The following CTC1 variants were observed in gnomAD, a reference collection of about 807,000 sequenced individuals.
The protein encoded by CTC1 is CST complex subunit CTC1.
In CTC1, 91 loss-of-function variants were observed where a neutral mutation model predicts 136.3. The observed-to-expected ratio is 0.67, with a 90% CI of 0.56 to 0.79. CTC1 has a LOEUF of 0.79. Ranked by LOEUF, CTC1 falls within the 30% of genes least tolerant of loss-of-function variation. CTC1 has a pLI of 0.00. For synonymous variants in CTC1, 606 were observed against 613.8 expected (o/e 0.99, Z 0.19); for missense variants, 1,432 against 1,498.1 (o/e 0.96, Z 0.73).
intron 5 of CTC1, among the ~76,000 whole-genome samples, chr17:8,236,948 C>G (rs1011374694): frequency 1.3e-5 from 2 of 151,742 alleles, no homozygotes; most frequent in Non-Finnish European, 2.9e-5. Flanking sequence ...AGTTAATAAA[C>G]TTGCACATGT....
rs1243670945 is a variant in CTC1 at position 8,232,914 on chromosome 17, C to T, written c.1937G>A (p.Arg646Gln). 2.5e-6 allele frequency: 4 copies of T among 1,613,920 alleles called. No homozygotes were observed. Among genetic ancestry groups the T allele is most frequent in the Admixed American group, 1.7e-5 (1 of 59,996 alleles). ...AKHSQPLSDP[R>Q]LIGCLVRAER... ...ACATCTGAACTCCAAACCTATCAGC[C>T]GTGGGTCACTGAGGGGTTGAGAGTG... Residue 646 changes from arginine (R) to glutamine (Q), a missense_variant, in exon 11 of 23, where the codon CGG (arginine) becomes CAG (glutamine). Transcript: ENST00000651323.
chr17:8,241,981 TTAAAA>T (rs751796678), intron 2 of CTC1, among the ~76,000 whole-genome samples: 4 of 152,074 alleles, frequency 2.6e-5, no homozygotes, highest in Admixed American at 6.6e-5. Context: ...AGTAAAACTA[TTAAAA>T]TATTTATTGG....
Position 8,227,506 on chromosome 17 carries a change from C to T in CTC1, c.*674G>A, listed in dbSNP as rs1986828116. The T allele has an allele frequency of 6.6e-6, 1 of 152,664 alleles. No individual in the cohort carries two copies. The highest frequency in any genetic ancestry group is 2.4e-5 in the African/African-American group (1 of 41,352). The allele number at this position is 152,664 out of a possible 1,614,324, so 9.5% of individuals were successfully genotyped here. ...CTGCTTGTGCCTGGCACTTGCCTCC[C>T]CCTACACCTTCTTTGTGCTTGTGAA... On this transcript the variant is annotated 3_prime_UTR_variant, in exon 23 of 23. Coordinates refer to ENST00000651323, the MANE Select transcript of CTC1 (RefSeq NM_025099.6).
At chr17:8,233,516 TCC>T (rs1379113438) in intron 10 of CTC1, 2 of 153,992 alleles carry the variant, frequency 1.3e-5, no homozygotes. Context: ...ATGCCTATAA[TCC>T]CAGCACTTTG....
intron 2 of CTC1, among the ~76,000 whole-genome samples, chr17:8,241,108 G>A (rs979022894): frequency 7.2e-5 from 11 of 152,036 alleles, no homozygotes; most frequent in South Asian, 4.2e-4. Context: ...GGCCAACATG[G>A]TAAAACCCCA....
rs1044653043 is a variant in CTC1 at position 8,225,469 on chromosome 17, C to T, written c.*2711G>A. ...ATCTTCCAAGGAGGTTTAGGTCCTG[C>T]CAAGAGCTCACAGATCCTATTTCTT... is the stretch of plus-strand genomic sequence containing the variant. On this transcript the variant is annotated 3_prime_UTR_variant, in exon 23 of 23. Transcript: ENST00000651323. 6.6e-6 allele frequency: 1 copy of T among 152,244 alleles called. No individual in the cohort carries two copies. Among genetic ancestry groups the T allele is most frequent in the African/African-American group, 2.4e-5 (1 of 41,440 alleles). 9.4% of individuals were successfully genotyped at this position (152,244 alleles called of 1,614,324 possible). A position where few individuals can be genotyped will look rare whatever the true frequency, so the allele number is the denominator to read the frequency against.
rs1396498413 is a variant in CTC1 at position 8,236,055 on chromosome 17, C to A, written c.1077+3G>T. On this transcript the variant is annotated splice_donor_region_variant and intron_variant, in intron 6 of 22. Coordinates refer to ENST00000651323, the MANE Select transcript of CTC1 (RefSeq NM_025099.6). ...AAGCTCTAGGATCTCTCCCTGTGCT[C>A]ACCGAATAGGATAGGAGTCTAGAAT... 6.2e-7 allele frequency: 1 copy of A among 1,609,492 alleles called. No individual in the cohort carries two copies. The highest frequency in any genetic ancestry group is 1.1e-5 in the South Asian group (1 of 90,950).
Position 8,229,924 on chromosome 17 carries a change from T to C in CTC1, c.2978A>G (p.Gln993Arg), listed in dbSNP as rs769010664. Reference sequence around the variant, plus strand: ...GGTCTCAGGGGGAAAACTCAGGACCTGCACATAAGTGGATGACCGGAAACA... The same window carrying C: ...GGTCTCAGGGGGAAAACTCAGGACCCGCACATAAGTGGATGACCGGAAACA... ...YCCFRSSTYV[Q>R]VLSFPPETTI... is the part of the protein sequence containing the mutation. Residue 993 changes from glutamine to arginine, a missense_variant, in exon 18 of 23, where the codon CAG (glutamine) becomes CGG (arginine). Physicochemically the swap from Gln to Arg is conservative, Grantham distance 43 (BLOSUM62 1). Transcript: ENST00000651323. 2.5e-6 allele frequency: 4 copies of C among 1,614,090 alleles called. No individual in the cohort carries two copies. Among genetic ancestry groups the C allele is most frequent in the South Asian group, 2.2e-5 (2 of 91,078 alleles).
intron 18 of CTC1, 54 bp from the exon 19 acceptor site, chr17:8,229,500 G>C: frequency 6.5e-7 from 1 of 1,538,566 alleles, no homozygotes. Context: ...AACAGGCAAA[G>C]GGGTTCTGAA....
At chr17:8,238,300 C>T (rs1346154658) in intron 3 of CTC1, 58 bp from the exon 4 acceptor site, 2 of 1,562,860 alleles carry the variant, frequency 1.3e-6, no homozygotes, top group East Asian at 4.5e-5. Flanking sequence ...CCACCCACCT[C>T]CCCGTTTGTT....
rs201553464 is a variant in CTC1, at chr17:8,236,273, C to T, written c.862G>A (p.Val288Met). 176 of 1,613,910 alleles carry T rather than the reference C, an allele frequency of 1.1e-4. No individual in the cohort carries two copies. The highest frequency in any genetic ancestry group is 2.3e-4 in the Admixed American group (14 of 60,028). ...TGGCGCTGACCACGGATCTTGGACA[C>T]TCGCAGTTCTGTCAGCACATAGGCT... is the stretch of plus-strand genomic sequence containing the variant. ...GTAYVLTELR[V>M]SKIRGQRQHV... The change falls in exon 6 of 23, where the codon GTG becomes ATG. Residue 288 changes from valine to methionine, a missense_variant. Coordinates refer to ENST00000651323, the MANE Select transcript of CTC1 (RefSeq NM_025099.6).
At position 8,228,146 on chromosome 17, in the gene CTC1, A is replaced by G. The variant is rs764641685; in HGVS notation, c.*34T>C. ...GGACCTAGGCCTTCAGGTTTTCAGC[A>G]AGGAAGGACTCTCAGGCCATCCTTG... On this transcript the variant is annotated 3_prime_UTR_variant, in exon 23 of 23. Transcript: ENST00000651323. 6 of 1,603,026 alleles carry G rather than the reference A, an allele frequency of 3.7e-6. No homozygotes were observed. Among genetic ancestry groups the G allele is most frequent in the Non-Finnish European group, 4.3e-6 (5 of 1,171,030 alleles).
Position 8,227,575 on chromosome 17 carries a change from TACTG to T in CTC1, c.*601_*604del, listed in dbSNP as rs944189165. ...TTTGACTTCCTGCAGGGCCCAGCCT[TACTG>T]ACTGAGACCATCATAGCTATGCTCT... is the stretch of plus-strand genomic sequence containing the variant. On this transcript the variant is annotated 3_prime_UTR_variant, in exon 23 of 23. Transcript: ENST00000651323. 1 of 152,848 alleles carries T rather than the reference TACTG, an allele frequency of 6.5e-6. No homozygotes were observed. Among genetic ancestry groups the T allele is most frequent in the African/African-American group, 2.4e-5 (1 of 41,390 alleles). The allele number at this position is 152,848 out of a possible 1,614,324, so 9.5% of individuals were successfully genotyped here. A position where few individuals can be genotyped will look rare whatever the true frequency, so the allele number is the denominator to read the frequency against.
At position 8,235,727 on chromosome 17, in the gene CTC1, AATTTCTAT is replaced by A. The variant is rs1200725074; in HGVS notation, c.1206+96_1206+103del. 5 of 1,303,984 alleles carry A rather than the reference AATTTCTAT, an allele frequency of 3.8e-6. No homozygotes were observed. In the African/African-American group the frequency reaches 6.0e-5, roughly 16 times the overall value. 80.8% of individuals were successfully genotyped at this position (1,303,984 alleles called of 1,614,324 possible). ...AAAGTGCCCCCTAACACACACTTTT[AATTTCTAT>A]ATTTCTATATAACCACCCTGCTGCA... is the stretch of plus-strand genomic sequence containing the variant. On this transcript the variant is annotated intron_variant, in intron 7 of 22. Coordinates refer to ENST00000651323, the MANE Select transcript of CTC1 (RefSeq NM_025099.6).
chr17:8,235,884 A>G lies in CTC1; in HGVS notation c.1153T>C (p.Tyr385His). The change falls in exon 7 of 23, where the codon TAC (tyrosine) becomes CAC (histidine). Residue 385 changes from tyrosine (Y) to histidine (H), a missense_variant. By Grantham distance (83) the Tyr-to-His change is moderately conservative. Transcript: ENST00000651323. ...LDGQLGLCLA[Y>H]QQFRGLRRVM... ...CGCCTAAGGCCACGGAACTGCTGGT[A>G]GGCAAGGCAGAGCCCCAGCTGCCCA... 6.2e-7 allele frequency: 1 copy of G among 1,613,976 alleles called. No individual in the cohort carries two copies.
intron 2 of CTC1, among the ~76,000 whole-genome samples, chr17:8,241,487 G>A (rs113697538): frequency 0.015 from 2,278 of 150,716 alleles, 20 homozygotes; most frequent in Middle Eastern, 0.058. Flanking sequence ...GTGTGGTGGC[G>A]CATAGTCCCA....
rs941195705 is a variant in CTC1, at chr17:8,226,245, G to GA, written c.*1934_*1935insT. The GA allele has an allele frequency of 1.5e-4, 23 of 152,270 alleles. No homozygotes were observed. The highest frequency in any genetic ancestry group is 1.5e-5 in the Non-Finnish European group (1 of 68,030). The allele number at this position is 152,270 out of a possible 1,614,324, so 9.4% of individuals were successfully genotyped here. A position where few individuals can be genotyped will look rare whatever the true frequency, so the allele number is the denominator to read the frequency against. On this transcript the variant is annotated 3_prime_UTR_variant, in exon 23 of 23. Coordinates refer to ENST00000651323, the MANE Select transcript of CTC1 (RefSeq NM_025099.6). ...GTTTCAATTGAATAAAGGCACCGCT[G>GA]GGATTCGAACCCAGGATCTCCTGTT...
intron 2 of CTC1, among the ~76,000 whole-genome samples, chr17:8,242,553 A>AATAT (rs1242237744): frequency 1.6e-3 from 97 of 60,332 alleles, no homozygotes; most frequent in African/African-American, 4.5e-3. Flanking sequence ...AAAAAAAAAA[A>AATAT]ATATATATAT....
intron 2 of CTC1, among the ~76,000 whole-genome samples, chr17:8,241,258 A>C (rs1988191381): frequency 6.6e-6 from 1 of 152,192 alleles, no homozygotes. Flanking sequence ...ATTGCACTCC[A>C]GCCTGGGTGA....
Sources: allele counts gnomAD v4.1 joint callset (sites outside exome capture counted in the v4.1 genomes callset), GRCh38; gene constraint gnomAD v4.1.1; transcripts MANE v1.5; gene names NCBI Gene and HGNC (gene_info 2026-07-23, HGNC 2026-07-21).